LURAP1L: variants seen among roughly 807,000 people sequenced by gnomAD.
LURAP1L encodes the protein leucine rich adaptor protein 1-like.
A neutral mutation model predicts 13.8 loss-of-function variants in LURAP1L; 12 were observed. The ratio of observed to expected loss-of-function variants is 0.87; its 90% CI spans 0.56 to 1.41. The LOEUF is 1.41. LURAP1L is among the 40% of genes most tolerant of loss of function. The pLI is 0.00. For synonymous variants in LURAP1L, 139 were observed against 119.2 expected (o/e 1.17, Z -1.08); for missense variants, 375 against 292.9 (o/e 1.28, Z -2.04).
rs1819177609 is a variant in LURAP1L at position 12,776,084 on chromosome 9, G to A, written c.312+57G>A. ...GACCTGGGCTGGGCCAAAAGATGGG[G>A]CGATCTGAGAATGGGGCTGGGAGAG... On this transcript the variant is annotated intron_variant, in intron 1 of 1. Coordinates refer to ENST00000319264, the MANE Select transcript of LURAP1L (RefSeq NM_203403.2). The A allele has an allele frequency of 1.2e-5, 19 of 1,534,770 alleles. 1 individual carries two copies. The South Asian group carries it at 1.8e-4, about 15-fold the overall frequency.
intron 1 of LURAP1L, among the ~76,000 whole-genome samples, chr9:12,787,449 TA>T (rs545506680): frequency 6.6e-6 from 1 of 152,026 alleles, no homozygotes; most frequent in Admixed American, 6.6e-5. Flanking sequence ...TCTATTAGTA[TA>T]AAAAAATTGC....
intron 1 of LURAP1L, among the ~76,000 whole-genome samples, chr9:12,787,223 T>G (rs1372801347): frequency 6.6e-6 from 1 of 152,170 alleles, no homozygotes; most frequent in African/African-American, 2.4e-5. Flanking sequence ...CATACAACCA[T>G]ACCTAGTTTT....
chr9:12,784,807 G>C (rs972895142), intron 1 of LURAP1L, among the ~76,000 whole-genome samples: 3 of 151,936 alleles, frequency 2.0e-5, no homozygotes, highest in African/African-American at 7.3e-5. Context: ...CCCAGGGTGG[G>C]TGTAGAAATG....
chr9:12,775,910 C>T lies in LURAP1L; in HGVS notation c.195C>T (p.Phe65=), dbSNP rs780649620. ...GTAGCAGCAGCAGCTACTGCAGCTT[C>T]CCTCCCTCCTTGTCGTCCTCCTCTT... ...GCSSSSSYCS[F]PPSLSSSSSS... The change falls in exon 1 of 2, where the codon TTC becomes TTT. Residue 65 remains phenylalanine, a synonymous_variant. Transcript: ENST00000319264. 2 of 1,568,076 alleles carry T rather than the reference C, an allele frequency of 1.3e-6. No homozygotes were observed. The highest frequency in any genetic ancestry group is 1.2e-5 in the South Asian group (1 of 86,626).
intron 1 of LURAP1L, among the ~76,000 whole-genome samples, chr9:12,817,746 A>G (rs1339316411): frequency 7.2e-5 from 11 of 152,230 alleles, no homozygotes; most frequent in African/African-American, 2.7e-4. Context: ...TAAGACTGAA[A>G]TGAATAACAG....
intron 1 of LURAP1L, among the ~76,000 whole-genome samples, chr9:12,793,687 C>T (rs1376570515): frequency 1.3e-5 from 2 of 152,000 alleles, no homozygotes; most frequent in Non-Finnish European, 2.9e-5. Context: ...GACCATTGTG[C>T]ATTATGATAA....
intron 1 of LURAP1L, among the ~76,000 whole-genome samples, chr9:12,783,163 T>C (rs1819296524): frequency 6.6e-6 from 1 of 152,168 alleles, no homozygotes; most frequent in Non-Finnish European, 1.5e-5. Flanking sequence ...TAAGAATAAT[T>C]TGACTTTTTT....
chr9:12,785,006 G>A (rs1819329763), intron 1 of LURAP1L, among the ~76,000 whole-genome samples: 1 of 151,554 alleles, frequency 6.6e-6, no homozygotes, highest in South Asian at 2.1e-4. Flanking sequence ...ACTGCCCTAG[G>A]CCCATGGCAA....
intron 1 of LURAP1L, among the ~76,000 whole-genome samples, chr9:12,820,646 T>C (rs1300766111): frequency 6.6e-6 from 1 of 152,026 alleles, no homozygotes; most frequent in African/African-American, 2.4e-5. Context: ...TACAGAAATA[T>C]TTGTACACTT....
intron 1 of LURAP1L, among the ~76,000 whole-genome samples, chr9:12,811,355 G>A (rs528656900): frequency 1.3e-5 from 2 of 152,024 alleles, no homozygotes; most frequent in Non-Finnish European, 2.9e-5. Context: ...CAGGTTATAG[G>A]GGATATAATT....
intron 1 of LURAP1L, among the ~76,000 whole-genome samples, chr9:12,793,938 C>T (rs971831996): frequency 2.6e-5 from 4 of 151,962 alleles, no homozygotes; most frequent in Non-Finnish European, 4.4e-5. Context: ...AAATGGATGC[C>T]GCTTTCTGTG....
At chr9:12,793,767 G>A (rs968601471) in intron 1 of LURAP1L, among the ~76,000 whole-genome samples, 2 of 152,012 alleles carry the variant, frequency 1.3e-5, no homozygotes, top group Non-Finnish European at 2.9e-5. Flanking sequence ...TTATTGAACG[G>A]TAGCTTTACT....
chr9:12,788,279 A>G (rs1819391034), intron 1 of LURAP1L, among the ~76,000 whole-genome samples: 1 of 152,180 alleles, frequency 6.6e-6, no homozygotes, highest in African/African-American at 2.4e-5. Context: ...GTTTGTTGCA[A>G]AATGAAAAAA....
intron 1 of LURAP1L, chr9:12,790,619 C>T (rs992660960): frequency 1.3e-5 from 2 of 152,020 alleles, no homozygotes; most frequent in Non-Finnish European, 2.9e-5. Flanking sequence ...AGATTTACTA[C>T]CTGCTTTGAA....
In LURAP1L at chr9:12,775,862, T is replaced by TGGTGGC. The variant is rs1554654184; in HGVS notation, c.149_150insTGGCGG (p.Gly54_Gly55dup). ...ACCCCTGCGGGGGGAGCGGTGGTGGTGGCGGCGGCGGCGGCGGCTGCAGTA... is the reference window on the plus strand; with the variant it reads ...ACCCCTGCGGGGGGAGCGGTGGTGGTGGTGGCGGCGGCGGCGGCGGCGGCTGCAGTA... On this transcript the variant is annotated inframe_insertion, in exon 1 of 2. Coordinates refer to ENST00000319264, the MANE Select transcript of LURAP1L (RefSeq NM_203403.2). The TGGTGGC allele has an allele frequency of 0.018, 27,692 of 1,511,164 alleles. 266 individuals are homozygous for TGGTGGC. Among genetic ancestry groups the TGGTGGC allele is most frequent in the African/African-American group, 0.031 (2,224 of 72,380 alleles). 93.6% of individuals were successfully genotyped at this position (1,511,164 alleles called of 1,614,324 possible).
chr9:12,775,800 C>A lies in LURAP1L; in HGVS notation c.85C>A (p.Arg29Ser). ...KVPESLVRSLRGEEPVPRERD... is the reference protein window; with the variant it reads ...KVPESLVRSLSGEEPVPRERD... ...ACCCGAGAGTCTAGTGCGCTCTCTCCGTGGGGAGGAGCCGGTTCCCAGGGA... is the reference window on the plus strand; with the variant it reads ...ACCCGAGAGTCTAGTGCGCTCTCTCAGTGGGGAGGAGCCGGTTCCCAGGGA... Residue 29 changes from arginine to serine, a missense_variant, in exon 1 of 2, where the codon CGT becomes AGT. Coordinates refer to ENST00000319264, the MANE Select transcript of LURAP1L (RefSeq NM_203403.2). 4.3e-6 allele frequency: 7 copies of A among 1,609,416 alleles called. No homozygotes were observed. Among genetic ancestry groups the A allele is most frequent in the South Asian group, 1.1e-5 (1 of 90,790 alleles).
In LURAP1L at chr9:12,809,639, T is replaced by G. The variant is rs141818270; in HGVS notation, c.313-11747T>G. Among the ~76,000 whole-genome samples, 4 of 152,348 alleles carry G rather than the reference T, an allele frequency of 2.6e-5. No homozygotes were observed. In the East Asian group the frequency reaches 7.7e-4, roughly 29 times the overall value. ...TTGAGTCTGGTTCTGATGCTTGCTT[T>G]GTCTCTTCAGACTTTGTTTTTGCCT... On this transcript the variant is annotated intron_variant, in intron 1 of 1. Transcript: ENST00000319264.
chr9:12,788,961 G>A (rs1819402170), intron 1 of LURAP1L, among the ~76,000 whole-genome samples: 1 of 151,036 alleles, frequency 6.6e-6, no homozygotes, highest in African/African-American at 2.4e-5. Flanking sequence ...CAGCTTCTCA[G>A]GAGGCAGGGT....
chr9:12,789,905 A>G lies in LURAP1L; in HGVS notation c.312+13878A>G, dbSNP rs528800160. The stretch of plus-strand genomic sequence containing the variant: ...TGCAGGAACCATGGACAAGAATCTG[A>G]GACCATACTTTAGTCTTATACAATT... On this transcript the variant is annotated intron_variant, in intron 1 of 1. Transcript: ENST00000319264. 3.9e-5 allele frequency among the ~76,000 whole-genome samples: 6 copies of G among 152,326 alleles called. No individual in the cohort carries two copies. The East Asian group carries it at 9.6e-4, about 24-fold the overall frequency.
Sources: gnomAD v4.1 joint callset for allele counts (sites outside exome capture counted in the v4.1 genomes callset) on GRCh38, gnomAD v4.1.1 for gene constraint, MANE v1.5 for transcripts, NCBI Gene and HGNC (gene_info 2026-07-23, HGNC 2026-07-21) for gene names.